Variants in USP6NL observed in about 807,000 individuals in gnomAD.
The protein encoded by USP6NL is USP6 N-terminal like.
In USP6NL, 26 loss-of-function variants were observed where a neutral mutation model predicts 61.9. The ratio of observed to expected loss-of-function variants is 0.42; its 90% CI spans 0.31 to 0.58. The LOEUF (loss-of-function observed/expected upper bound fraction) is 0.58, where lower values mean the gene tolerates loss of function less well. Among genes scored for constraint, USP6NL ranks in the 20% least tolerant of loss-of-function variants. The probability of loss-of-function intolerance (pLI) is 0.16; values close to 1 mark genes in which losing one functional copy is unlikely to be tolerated. For synonymous variants in USP6NL, 432 were observed against 390.1 expected, an observed-to-expected ratio of 1.11 and a Z score of -1.27; for missense variants, 1,114 against 1,034.3, an observed-to-expected ratio of 1.08 and a Z score of -1.06.
intron 2 of USP6NL, among the ~76,000 whole-genome samples, chr10:11,577,068 T>C (rs1039083622): frequency 6.6e-6 from 1 of 151,216 alleles, no homozygotes; most frequent in African/African-American, 2.4e-5. Context: ...TTCTTTTTTT[T>C]TTTTTTTTCG....
At chr10:11,492,980 A>G (rs1468948037) in intron 8 of USP6NL, 139 bp downstream of exon 8, 1 of 645,396 alleles carries the variant, frequency 1.5e-6, no homozygotes, top group African/African-American at 1.8e-5. Flanking sequence ...TTCACACAAC[A>G]TGGACGCAAA....
At chr10:11,608,529 G>A (rs951977653) in intron 1 of USP6NL, among the ~76,000 whole-genome samples, 5 of 152,028 alleles carry the variant, frequency 3.3e-5, no homozygotes, top group South Asian at 4.2e-4. Context: ...CCACACACCC[G>A]CCTCTTTTTT....
At chr10:11,567,165 C>T (rs976942434) in intron 2 of USP6NL, among the ~76,000 whole-genome samples, 2 of 152,194 alleles carry the variant, frequency 1.3e-5, no homozygotes, top group Non-Finnish European at 2.9e-5. Context: ...TAGTCCATTG[C>T]AGTCAATTTC....
intron 2 of USP6NL, among the ~76,000 whole-genome samples, chr10:11,543,816 T>G (rs1339609572): frequency 1.1e-4 from 14 of 128,374 alleles, no homozygotes; most frequent in Non-Finnish European, 2.0e-4. Flanking sequence ...TTTTTTTTTT[T>G]TTTTTTTTTT....
intron 4 of USP6NL, among the ~76,000 whole-genome samples, chr10:11,522,274 T>C (rs751251172): frequency 9.2e-5 from 14 of 152,242 alleles, no homozygotes; most frequent in Non-Finnish European, 1.8e-4. Flanking sequence ...CATTTTATTG[T>C]ATTAACATTG....
chr10:11,587,014 A>T lies in USP6NL; in HGVS notation c.4+10617T>A, dbSNP rs77998756. Among the ~76,000 whole-genome samples the T allele has an allele frequency of 8.3e-4, 127 of 152,210 alleles. 5 individuals are homozygous for T. The East Asian group carries it at 0.02, about 24-fold the overall frequency. On this transcript the variant is annotated intron_variant, in intron 2 of 14. Transcript: ENST00000609104. The surrounding 1 kb of genome is among the most constrained non-coding windows in gnomAD (Gnocchi z 4.5). Reference sequence around the variant, plus strand: ...TGAGGACAGATTCCCTTGCTCCTGCAGGAGCAAGGACTCCCTGGATGTCCC... The same window carrying T: ...TGAGGACAGATTCCCTTGCTCCTGCTGGAGCAAGGACTCCCTGGATGTCCC...
chr10:11,510,278 C>CA lies in USP6NL; in HGVS notation c.196-604dup, dbSNP rs1484759635. Among the ~76,000 whole-genome samples, 3 of 152,094 alleles carry CA rather than the reference C, an allele frequency of 2.0e-5. No homozygotes were observed. The highest frequency in any genetic ancestry group is 2.9e-5 in the Non-Finnish European group (2 of 68,022). The stretch of plus-strand genomic sequence containing the variant: ...CTGGCACAGGCAGGAAGGGCCACGG[C>CA]AGAAGGGGCAGTCAAATCCACCTAG... On this transcript the variant is annotated intron_variant, in intron 5 of 14. Transcript: ENST00000609104. This position sits in a 1 kb window ranked among gnomAD's most constrained non-coding sequence, Gnocchi z 4.8.
Position 11,611,071 on chromosome 10 carries a change from C to A in USP6NL, c.-84+372G>T, listed in dbSNP as rs1826256388. ...AGGCACGAAGTTTGCCCGGGTCCTG[C>A]CCACTGGGGCTCGGGAGACGCGACC... On this transcript the variant is annotated intron_variant, in intron 1 of 14. Transcript: ENST00000609104. This position sits in a 1 kb window ranked among gnomAD's most constrained non-coding sequence, Gnocchi z 5.3. Among the ~76,000 whole-genome samples, 1 of 152,190 alleles carries A rather than the reference C, an allele frequency of 6.6e-6. No individual in the cohort carries two copies. Among genetic ancestry groups the A allele is most frequent in the South Asian group, 2.1e-4 (1 of 4,834 alleles).
chr10:11,487,041 G>C lies in USP6NL; in HGVS notation c.665-1130C>G, dbSNP rs934805855. On this transcript the variant is annotated intron_variant, in intron 10 of 14. Coordinates refer to ENST00000609104, the MANE Select transcript of USP6NL (RefSeq NM_014688.5). This position sits in a 1 kb window ranked among gnomAD's most constrained non-coding sequence, Gnocchi z 4.2. ...TTTAGTAATATTTTTCAGTGAAATT[G>C]TTTCATTAAAAAAAAAAAATCCGTA... 6.7e-6 allele frequency among the ~76,000 whole-genome samples: 1 copy of C among 149,540 alleles called. No homozygotes were observed. Among genetic ancestry groups the C allele is most frequent in the Admixed American group, 6.7e-5 (1 of 14,954 alleles).
rs372739007 is a variant in USP6NL, at chr10:11,520,749, T to C, written c.156-2175A>G. On this transcript the variant is annotated intron_variant, in intron 4 of 14. Transcript: ENST00000609104. The surrounding 1 kb of genome is among the most constrained non-coding windows in gnomAD (Gnocchi z 5.2). ...GTTTTAATGGAACGCTGTCACACTCTGCCATGAATGTATTGTCTCTGGTTG... is the reference window on the plus strand; with the variant it reads ...GTTTTAATGGAACGCTGTCACACTCCGCCATGAATGTATTGTCTCTGGTTG... 5.9e-5 allele frequency among the ~76,000 whole-genome samples: 9 copies of C among 152,382 alleles called. No homozygotes were observed. The highest frequency in any genetic ancestry group is 1.7e-4 in the African/African-American group (7 of 41,594).
chr10:11,529,202 T>G (rs1835546599), intron 2 of USP6NL, among the ~76,000 whole-genome samples: 1 of 152,150 alleles, frequency 6.6e-6, no homozygotes, highest in Non-Finnish European at 1.5e-5. Context: ...ACTTCATTAG[T>G]AACTAAAGAA....
chr10:11,504,683 A>G (rs753963793), intron 6 of USP6NL, among the ~76,000 whole-genome samples: 10 of 152,264 alleles, frequency 6.6e-5, no homozygotes, highest in Non-Finnish European at 1.5e-4. Flanking sequence ...TTTGTGGCCA[A>G]CGCTTATGAG....
At position 11,496,729 on chromosome 10, in the gene USP6NL, G is replaced by A. The variant is rs1206991769; in HGVS notation, c.385-3501C>T. 1.3e-5 allele frequency among the ~76,000 whole-genome samples: 2 copies of A among 151,998 alleles called. No homozygotes were observed. The highest frequency in any genetic ancestry group is 2.4e-5 in the African/African-American group (1 of 41,350). On this transcript the variant is annotated intron_variant, in intron 7 of 14. Transcript: ENST00000609104. The surrounding 1 kb of genome is among the most constrained non-coding windows in gnomAD (Gnocchi z 5.4). ...TATACATAAAAACATAACTGTTCCC[G>A]ACTTCAGCTAAAAGTGGAAAGAAGG...
intron 2 of USP6NL, among the ~76,000 whole-genome samples, chr10:11,581,474 T>C (rs1384497412): frequency 1.3e-5 from 2 of 152,260 alleles, no homozygotes; most frequent in Admixed American, 1.3e-4. Context: ...CAGACTTTTT[T>C]TAACCCACTT....
At chr10:11,555,461 G>T (rs866676039) in intron 2 of USP6NL, among the ~76,000 whole-genome samples, 284 of 88,502 alleles carry the variant, frequency 3.2e-3, no homozygotes, top group Admixed American at 6.3e-3. Context: ...TAGAGAGAGA[G>T]AGAGAGAGAA....
intron 6 of USP6NL, among the ~76,000 whole-genome samples, chr10:11,506,855 T>A (rs1834464595): frequency 6.6e-6 from 1 of 152,026 alleles, no homozygotes. Context: ...AAGTAAGGAA[T>A]CTGTGGAGAG....
intron 5 of USP6NL, among the ~76,000 whole-genome samples, chr10:11,517,102 C>T (rs988944128): frequency 6.6e-6 from 1 of 152,112 alleles, no homozygotes; most frequent in Non-Finnish European, 1.5e-5. Context: ...AGATATCTTC[C>T]AACTCTTTCT....
Position 11,485,140 on chromosome 10 carries a change from A to G in USP6NL, c.825+29T>C, listed in dbSNP as rs933366246. On this transcript the variant is annotated intron_variant, in intron 12 of 14. Transcript: ENST00000609104. This position sits in a 1 kb window ranked among gnomAD's most constrained non-coding sequence, Gnocchi z 4.8. The stretch of plus-strand genomic sequence containing the variant: ...CCCCTCACCTTGTATTTATAATTTT[A>G]TGACTGAGTTTTGTAAATAAATACT... 1.3e-6 allele frequency: 2 copies of G among 1,537,894 alleles called. No individual in the cohort carries two copies. The highest frequency in any genetic ancestry group is 4.2e-5 in the Admixed American group (2 of 47,122).
rs1272417475 is a variant in USP6NL at position 11,481,473 on chromosome 10, C to T, written c.1078+297G>A. ...GCAAAAAAAAGCTTATTGTTATGCT[C>T]GTTTAAAGCACCATGGCTACTTCTG... On this transcript the variant is annotated intron_variant, in intron 14 of 14. Transcript: ENST00000609104. This position sits in a 1 kb window ranked among gnomAD's most constrained non-coding sequence, Gnocchi z 4.4. Among the ~76,000 whole-genome samples the T allele has an allele frequency of 6.6e-6, 1 of 152,184 alleles. No homozygotes were observed. Among genetic ancestry groups the T allele is most frequent in the Non-Finnish European group, 1.5e-5 (1 of 68,022 alleles).
Sources: allele counts gnomAD v4.1 joint callset (sites outside exome capture counted in the v4.1 genomes callset), GRCh38; gene constraint gnomAD v4.1.1; non-coding constraint Gnocchi (gnomAD v3.1); transcripts MANE v1.5; gene names NCBI Gene and HGNC (gene_info 2026-07-23, HGNC 2026-07-21).